Variants in WDHD1 observed in about 807,000 individuals in gnomAD.
WDHD1 encodes WD repeat and HMG-box DNA binding protein 1.
In WDHD1, 111 loss-of-function variants were observed where a neutral mutation model predicts 135.4. The observed-to-expected ratio is 0.82, with a 90% CI of 0.70 to 0.96. WDHD1 has a LOEUF of 0.96. WDHD1 is among the 40% of genes least tolerant of loss of function. WDHD1 has a pLI of 0.00. For synonymous variants in WDHD1, 434 were observed against 439.0 expected (o/e 0.99, Z 0.14); for missense variants, 1,351 against 1,336.3 (o/e 1.01, Z -0.17).
intron 24 of WDHD1, among the ~76,000 whole-genome samples, chr14:54,950,143 A>G (rs1356886799): frequency 1.3e-5 from 2 of 152,236 alleles, no homozygotes; most frequent in Non-Finnish European, 2.9e-5. Context: ...ACACATAACA[A>G]TATTAACCTT....
intron 7 of WDHD1, among the ~76,000 whole-genome samples, chr14:55,005,839 CT>C (rs572201456): frequency 7.7e-4 from 115 of 149,454 alleles, no homozygotes; most frequent in African/African-American, 2.6e-3. Context: ...ACTTTGTTTT[CT>C]TTTTTTTTTC....
chr14:55,025,683 T>C (rs1179366957), intron 2 of WDHD1, among the ~76,000 whole-genome samples: 1 of 152,258 alleles, frequency 6.6e-6, no homozygotes, highest in African/African-American at 2.4e-5. Flanking sequence ...CAGAAGGTCT[T>C]GGATAGGACA....
chr14:54,959,994 A>C (rs953925517), intron 21 of WDHD1, among the ~76,000 whole-genome samples: 2 of 152,134 alleles, frequency 1.3e-5, no homozygotes, highest in African/African-American at 2.4e-5. Context: ...AATGTGCTTA[A>C]GTTTTTCTTC....
chr14:55,016,171 T>C (rs138790271), intron 2 of WDHD1, among the ~76,000 whole-genome samples: 275 of 152,372 alleles, frequency 1.8e-3, no homozygotes, highest in Middle Eastern at 6.8e-3. Context: ...GTAGTCTGAA[T>C]GTTTTTCTAA....
chr14:54,955,139 T>C (rs966189211), intron 24 of WDHD1, among the ~76,000 whole-genome samples: 1 of 152,220 alleles, frequency 6.6e-6, no homozygotes, highest in Non-Finnish European at 1.5e-5. Context: ...GACAAATATG[T>C]ATTTGCACAT....
rs772767825 is a variant in WDHD1 at position 55,007,386 on chromosome 14, A to G, written c.505-11T>C. The stretch of plus-strand genomic sequence containing the variant: ...ACTAATAGCACATGTCTAATTGGTA[A>G]AAAAAGAAAATTTCTTTCCTTTATG... On this transcript the variant is annotated splice_polypyrimidine_tract_variant and intron_variant, in intron 6 of 25. Coordinates refer to ENST00000360586, the MANE Select transcript of WDHD1 (RefSeq NM_007086.4). 2.6e-6 allele frequency: 4 copies of G among 1,559,296 alleles called. No individual in the cohort carries two copies. Among genetic ancestry groups the G allele is most frequent in the Non-Finnish European group, 3.5e-6 (4 of 1,153,872 alleles).
At chr14:55,005,751 G>T (rs1044868984) in intron 7 of WDHD1, 2 of 394,818 alleles carry the variant, frequency 5.1e-6, no homozygotes, top group African/African-American at 2.1e-5. Flanking sequence ...TCCTTCTCTG[G>T]GTAGTGCAGA....
At chr14:54,983,183 A>C (rs2041645497) in intron 15 of WDHD1, among the ~76,000 whole-genome samples, 1 of 151,964 alleles carries the variant, frequency 6.6e-6, no homozygotes, top group African/African-American at 2.4e-5. Context: ...ACAAACACAA[A>C]AACAAATAAA....
intron 23 of WDHD1, among the ~76,000 whole-genome samples, chr14:54,956,536 G>A (rs1188022754): frequency 1.3e-5 from 2 of 152,060 alleles, no homozygotes; most frequent in East Asian, 3.9e-4. Flanking sequence ...TCCTCGGGAG[G>A]CTGAGGCATG....
chr14:54,986,205 T>A (rs917456533), intron 14 of WDHD1, among the ~76,000 whole-genome samples: 1 of 152,234 alleles, frequency 6.6e-6, no homozygotes, highest in African/African-American at 2.4e-5. Flanking sequence ...GCAACTAGCA[T>A]TTTAAAAAAT....
chr14:54,958,388 C>T (rs1595066259), intron 21 of WDHD1, among the ~76,000 whole-genome samples: 2 of 152,160 alleles, frequency 1.3e-5, no homozygotes, highest in Non-Finnish European at 2.9e-5. Flanking sequence ...TGGCCTCCCA[C>T]AGTGCTGGGA....
chr14:54,986,046 G>C (rs1383694744), intron 14 of WDHD1, among the ~76,000 whole-genome samples: 2 of 152,204 alleles, frequency 1.3e-5, no homozygotes, highest in African/African-American at 4.8e-5. Flanking sequence ...TAAGTCTGGA[G>C]ACACAAGGAG....
intron 2 of WDHD1, among the ~76,000 whole-genome samples, 180 bp from the exon 3 acceptor site, chr14:55,013,776 TG>T (rs2042215011): frequency 2.6e-5 from 4 of 152,096 alleles, no homozygotes; most frequent in Non-Finnish European, 4.4e-5. Flanking sequence ...CATGGTTATG[TG>T]TACCTGTAGT....
At chr14:55,025,348 A>T (rs1345077096) in intron 2 of WDHD1, among the ~76,000 whole-genome samples, 1 of 151,222 alleles carries the variant, frequency 6.6e-6, no homozygotes, top group East Asian at 2.0e-4. Flanking sequence ...AAGGGAACTC[A>T]GAGGCTGGCG....
intron 21 of WDHD1, among the ~76,000 whole-genome samples, chr14:54,959,195 C>A (rs8011446): frequency 9.9e-5 from 15 of 151,758 alleles, no homozygotes; most frequent in Non-Finnish European, 1.9e-4. Context: ...TAGGGAGACC[C>A]TGTCTCTACA....
chr14:54,959,619 T>G (rs544332498), intron 21 of WDHD1, among the ~76,000 whole-genome samples: 6 of 152,044 alleles, frequency 3.9e-5, no homozygotes, highest in Admixed American at 1.3e-4. Flanking sequence ...ACACAAAAAA[T>G]TAACCAGGCA....
chr14:55,021,858 G>A (rs1037368501), intron 2 of WDHD1, among the ~76,000 whole-genome samples: 5 of 152,088 alleles, frequency 3.3e-5, no homozygotes, highest in South Asian at 2.1e-4. Flanking sequence ...AATTTGTTTC[G>A]GGCTCGATGG....
intron 6 of WDHD1, among the ~76,000 whole-genome samples, chr14:55,007,848 A>T (rs1423429150): frequency 6.6e-6 from 1 of 152,202 alleles, no homozygotes; most frequent in Non-Finnish European, 1.5e-5. Context: ...GCCATCTTGG[A>T]TTGCCTTGGG....
chr14:54,996,670 T>C (rs1427464110), intron 10 of WDHD1, among the ~76,000 whole-genome samples: 1 of 152,222 alleles, frequency 6.6e-6, no homozygotes, highest in Non-Finnish European at 1.5e-5. Flanking sequence ...GATCCCAAGT[T>C]ACTCCTATAG....
Sources: allele counts gnomAD v4.1 joint callset (sites outside exome capture counted in the v4.1 genomes callset), GRCh38; gene constraint gnomAD v4.1.1; transcripts MANE v1.5; gene names NCBI Gene and HGNC (gene_info 2026-07-23, HGNC 2026-07-21).